The following BPHL variants were observed in gnomAD, a reference collection of about 807,000 sequenced individuals.
BPHL encodes serine hydrolase BPHL.
In BPHL, 27 loss-of-function variants were observed where a neutral mutation model predicts 31.2. The ratio of observed to expected loss-of-function variants is 0.87; its 90% CI spans 0.64 to 1.19. The LOEUF is 1.19. Among genes scored for constraint, BPHL ranks in the 50% most tolerant of loss-of-function variants. The probability of loss-of-function intolerance (pLI) is 0.00; values close to 1 mark genes in which losing one functional copy is unlikely to be tolerated. For synonymous variants in BPHL, 150 were observed against 146.8 expected (o/e 1.02, Z -0.16); for missense variants, 356 against 375.7 (o/e 0.95, Z 0.43).
At chr6:3,133,497 A>G (rs57862343) in intron 4 of BPHL, among the ~76,000 whole-genome samples, 10,541 of 152,092 alleles carry the variant, frequency 0.069, 1,008 homozygotes, top group African/African-American at 0.21. Flanking sequence ...CACTTTGCTC[A>G]CGGAATGAGT....
chr6:3,129,037 G>A lies in BPHL; in HGVS notation c.379-8G>A, dbSNP rs773146154. The A allele has an allele frequency of 3.1e-6, 5 of 1,614,154 alleles. No homozygotes were observed. Among genetic ancestry groups the A allele is most frequent in the Non-Finnish European group, 4.2e-6 (5 of 1,180,054 alleles). On this transcript the variant is annotated splice_region_variant and splice_polypyrimidine_tract_variant and intron_variant, in intron 3 of 6. Coordinates refer to ENST00000380379, the MANE Select transcript of BPHL (RefSeq NM_004332.4). ...ACCCGTGCCGTGCATTTTGTCGTATGATCATAGGCGCTGAAGTTTAAGAAG... is the reference window on the plus strand; with the variant it reads ...ACCCGTGCCGTGCATTTTGTCGTATAATCATAGGCGCTGAAGTTTAAGAAG...
chr6:3,132,073 C>T (rs142466353), intron 4 of BPHL, among the ~76,000 whole-genome samples: 5 of 152,232 alleles, frequency 3.3e-5, no homozygotes, highest in African/African-American at 1.2e-4. Flanking sequence ...CTCTCAGTAG[C>T]GCAGCACTCT....
At position 3,137,443 on chromosome 6, in the gene BPHL, C is replaced by T; in HGVS notation, c.614C>T (p.Thr205Ile). The stretch of plus-strand genomic sequence containing the variant: ...TATGGGTATGACTACTTTGCCAGAA[C>T]CTGTGAAAAGTGGGTGGATGGCATA... Reference protein sequence around the residue: ...ALYGYDYFARTCEKWVDGIRQ... With the variant: ...ALYGYDYFARICEKWVDGIRQ... Residue 205 changes from threonine (T) to isoleucine (I), a missense_variant, in exon 5 of 7, where the codon ACC (threonine) becomes ATC (isoleucine). Physicochemically the swap from Thr to Ile is moderately conservative, Grantham distance 89. Transcript: ENST00000380379. 4 of 1,613,128 alleles carry T rather than the reference C, an allele frequency of 2.5e-6. No homozygotes were observed. The highest frequency in any genetic ancestry group is 3.4e-6 in the Non-Finnish European group (4 of 1,179,908).
At chr6:3,125,875 AGGCAAAGT>A (rs891216241) in intron 2 of BPHL, among the ~76,000 whole-genome samples, 5 of 152,368 alleles carry the variant, frequency 3.3e-5, no homozygotes, top group South Asian at 4.1e-4. Flanking sequence ...ATGGTTTGTC[AGGCAAAGT>A]GGTTAGTAGT....
intron 6 of BPHL, among the ~76,000 whole-genome samples, chr6:3,146,698 G>A (rs1762386853): frequency 6.8e-6 from 1 of 146,780 alleles, no homozygotes. Flanking sequence ...GTTGAGTGCT[G>A]ATTTGGGTCG....
At position 3,152,623 on chromosome 6, in the gene BPHL, T is replaced by A; in HGVS notation, c.*48T>A. ...GGTTCCTTCGTGTGGGGCTTGATCGTGTTGCTGCCTGTTAACATGATGCCT... is the reference window on the plus strand; with the variant it reads ...GGTTCCTTCGTGTGGGGCTTGATCGAGTTGCTGCCTGTTAACATGATGCCT... On this transcript the variant is annotated 3_prime_UTR_variant, in exon 7 of 7. Coordinates refer to ENST00000380379, the MANE Select transcript of BPHL (RefSeq NM_004332.4). 2 of 1,528,352 alleles carry A rather than the reference T, an allele frequency of 1.3e-6. No homozygotes were observed. The highest frequency in any genetic ancestry group is 1.8e-6 in the Non-Finnish European group (2 of 1,110,626). 94.7% of individuals were successfully genotyped at this position (1,528,352 alleles called of 1,614,324 possible).
chr6:3,139,282 T>C (rs1762100618), intron 5 of BPHL: 2 of 152,338 alleles, frequency 1.3e-5, no homozygotes, highest in Admixed American at 1.3e-4. Context: ...ACAAACATTT[T>C]TATATGCTGA....
chr6:3,118,403 G>C, upstream of BPHL: 1 of 226,786 alleles, frequency 4.4e-6, no homozygotes, highest in Non-Finnish European at 8.5e-6. Flanking sequence ...ATGGCTGGCG[G>C]CCTCGCCTCC....
intron 4 of BPHL, among the ~76,000 whole-genome samples, chr6:3,134,378 T>A (rs895349893): frequency 3.3e-5 from 5 of 152,108 alleles, no homozygotes; most frequent in Non-Finnish European, 7.4e-5. Flanking sequence ...CAGAACTACT[T>A]AATGTAAGGA....
At chr6:3,129,580 A>G (rs1187726055) in intron 4 of BPHL, among the ~76,000 whole-genome samples, 1 of 152,152 alleles carries the variant, frequency 6.6e-6, no homozygotes, top group Non-Finnish European at 1.5e-5. Flanking sequence ...AGCTCAAGGC[A>G]GAAGGATCGC....
At chr6:3,123,589 T>G in intron 1 of BPHL, 68 bp from the exon 2 acceptor site, 1 of 1,402,868 alleles carries the variant, frequency 7.1e-7, no homozygotes, top group Non-Finnish European at 1.0e-6. Context: ...TAGCTGGAAT[T>G]TTGAATCAAC....
At chr6:3,120,075 C>A (rs188698444) in intron 1 of BPHL, among the ~76,000 whole-genome samples, 2 of 152,004 alleles carry the variant, frequency 1.3e-5, no homozygotes, top group East Asian at 3.9e-4. Flanking sequence ...CGCTCTTTTG[C>A]CCATGCTGGA....
At chr6:3,147,479 G>A (rs1235176452) in intron 6 of BPHL, among the ~76,000 whole-genome samples, 1 of 152,026 alleles carries the variant, frequency 6.6e-6, no homozygotes, top group Non-Finnish European at 1.5e-5. Context: ...TGTTGCCCAG[G>A]CTGGAGTGCA....
intron 6 of BPHL, among the ~76,000 whole-genome samples, chr6:3,146,291 CGAGTGCTGGTTCGGGTTG>C (rs1249868598): frequency 0.011 from 292 of 25,532 alleles, 17 homozygotes; most frequent in African/African-American, 0.022. Flanking sequence ...TGGTTCGGGT[CGAGTGCTGGTTCGGGTTG>C]GAGTGCTGGT....
chr6:3,141,412 G>A (rs1344925453), intron 6 of BPHL, among the ~76,000 whole-genome samples: 1 of 152,154 alleles, frequency 6.6e-6, no homozygotes, highest in Non-Finnish European at 1.5e-5. Flanking sequence ...CTGTCACCTG[G>A]GCTGGAGTGC....
chr6:3,121,012 T>C (rs1423304559), intron 1 of BPHL, among the ~76,000 whole-genome samples: 1 of 152,192 alleles, frequency 6.6e-6, no homozygotes, highest in Non-Finnish European at 1.5e-5. Context: ...TGTGGGCAGA[T>C]TGTTCAACCT....
In BPHL at chr6:3,129,074, G is replaced by A. The variant is rs148936859; in HGVS notation, c.408G>A (p.Leu136=). Residue 136 remains leucine, a synonymous_variant, in exon 4 of 7, where the codon CTG becomes CTA. Coordinates refer to ENST00000380379, the MANE Select transcript of BPHL (RefSeq NM_004332.4). ...TGAAGTTTAAGAAGGTTTCTCTGCT[G>A]GGGTGGAGTGATGGGGGCATAACCG... ...KALKFKKVSL[L]GWSDGGITAL... 7.5e-3 allele frequency: 12,030 copies of A among 1,614,238 alleles called. 54 individuals are homozygous for A. Among genetic ancestry groups the A allele is most frequent in the Non-Finnish European group, 9.2e-3 (10,890 of 1,180,046 alleles).
chr6:3,144,870 C>T (rs967676847), intron 6 of BPHL, among the ~76,000 whole-genome samples: 11 of 152,212 alleles, frequency 7.2e-5, no homozygotes, highest in Admixed American at 2.0e-4. Flanking sequence ...GGGCTGGGGT[C>T]ACCAGTGCAG....
intron 4 of BPHL, among the ~76,000 whole-genome samples, chr6:3,131,284 T>C (rs1364385397): frequency 6.6e-6 from 1 of 152,122 alleles, no homozygotes; most frequent in African/African-American, 2.4e-5. Context: ...CTCTCCTCAC[T>C]GACCCCTGCC....
Sources: gnomAD v4.1 joint callset for allele counts (sites outside exome capture counted in the v4.1 genomes callset) on GRCh38, gnomAD v4.1.1 for gene constraint, MANE v1.5 for transcripts, NCBI Gene and HGNC (gene_info 2026-07-23, HGNC 2026-07-21) for gene names.